REC114: variants seen among roughly 807,000 people sequenced by gnomAD.
REC114 encodes meiotic recombination protein REC114.
A neutral mutation model predicts 31.3 loss-of-function variants in REC114; 27 were observed. The ratio of observed to expected loss-of-function variants is 0.86; its 90% CI spans 0.64 to 1.19. REC114 has a LOEUF of 1.19. REC114 is among the 50% of genes most tolerant of loss of function. The pLI is 0.00. For synonymous variants in REC114, 134 were observed against 127.7 expected, an observed-to-expected ratio of 1.05 and a Z score of -0.33; for missense variants, 344 against 326.9, an observed-to-expected ratio of 1.05 and a Z score of -0.40.
At chr15:73,519,998 G>T (rs1893913085) in intron 2 of REC114, among the ~76,000 whole-genome samples, 1 of 152,118 alleles carries the variant, frequency 6.6e-6, no homozygotes, top group Non-Finnish European at 1.5e-5. Context: ...TTATTTGATG[G>T]GTATAGAATA....
intron 2 of REC114, among the ~76,000 whole-genome samples, chr15:73,482,847 T>C (rs1275602056): frequency 6.6e-6 from 1 of 152,214 alleles, no homozygotes; most frequent in Non-Finnish European, 1.5e-5. Context: ...AATTTGGATA[T>C]GTACTCATAA....
chr15:73,523,301 A>G (rs937011223), intron 2 of REC114, among the ~76,000 whole-genome samples: 1 of 151,996 alleles, frequency 6.6e-6, no homozygotes. Flanking sequence ...CACATGATGG[A>G]AGAAGATTTA....
At chr15:73,521,660 T>C (rs544663562) in intron 2 of REC114, among the ~76,000 whole-genome samples, 4 of 152,272 alleles carry the variant, frequency 2.6e-5, no homozygotes, top group East Asian at 1.9e-4. Context: ...CTGTAGAGCC[T>C]ACAAACATTA....
chr15:73,496,908 G>A (rs1310042690), intron 2 of REC114, among the ~76,000 whole-genome samples: 1 of 151,136 alleles, frequency 6.6e-6, no homozygotes, highest in African/African-American at 2.4e-5. Flanking sequence ...CCTTCCATCT[G>A]GGATAGCTCC....
At chr15:73,538,034 T>C (rs1894182322) in intron 2 of REC114, among the ~76,000 whole-genome samples, 1 of 152,226 alleles carries the variant, frequency 6.6e-6, no homozygotes, top group African/African-American at 2.4e-5. Context: ...CCAAGATCAG[T>C]AGGAGTCATA....
intron 2 of REC114, among the ~76,000 whole-genome samples, chr15:73,481,281 C>T (rs969632493): frequency 1.3e-5 from 2 of 151,980 alleles, no homozygotes; most frequent in Non-Finnish European, 2.9e-5. Flanking sequence ...ATTGCCACTC[C>T]CTGTGAGATC....
At chr15:73,501,646 T>C (rs1305288276) in intron 2 of REC114, among the ~76,000 whole-genome samples, 2 of 152,196 alleles carry the variant, frequency 1.3e-5, no homozygotes, top group African/African-American at 2.4e-5. Flanking sequence ...GGTTTCGTCA[T>C]GTTGGCCAGG....
In REC114 at chr15:73,559,835, G is replaced by T; in HGVS notation, c.720G>T (p.Leu240Phe). The change falls in exon 6 of 6, where the codon TTG (leucine) becomes TTT (phenylalanine). Residue 240 changes from leucine (L) to phenylalanine (F), a missense_variant. Coordinates refer to ENST00000331090, the MANE Select transcript of REC114 (RefSeq NM_001042367.2). ...AAGAGTTAGGCCCCTTCCTACGTTTGTGCCTTATGGATCAGAATTTCCCAG... is the reference window on the plus strand; with the variant it reads ...AAGAGTTAGGCCCCTTCCTACGTTTTTGCCTTATGGATCAGAATTTCCCAG... ...GAEELGPFLR[L>F]CLMDQNFPAF... 6.2e-7 allele frequency: 1 copy of T among 1,612,738 alleles called. No individual in the cohort carries two copies. Among genetic ancestry groups the T allele is most frequent in the Non-Finnish European group, 8.5e-7 (1 of 1,179,432 alleles).
intron 5 of REC114, 106 bp downstream of exon 5, chr15:73,556,497 G>A: frequency 1.1e-6 from 1 of 924,070 alleles, no homozygotes; most frequent in Admixed American, 2.7e-5. Flanking sequence ...AACTTCTAAA[G>A]CATTACTCTA....
In REC114 at chr15:73,443,168, C is replaced by A; in HGVS notation, c.-18C>A. The A allele has an allele frequency of 1.4e-5, 21 of 1,543,596 alleles. No individual in the cohort carries two copies. Among genetic ancestry groups the A allele is most frequent in the Non-Finnish European group, 1.8e-5 (21 of 1,146,968 alleles). The stretch of plus-strand genomic sequence containing the variant: ...GATTGGCAGGTCCCCGCCGGCAGTG[C>A]GTGTGGTGAGGCAGGACATGGCGGA... On this transcript the variant is annotated 5_prime_UTR_variant, in exon 1 of 6. Coordinates refer to ENST00000331090, the MANE Select transcript of REC114 (RefSeq NM_001042367.2).
chr15:73,460,598 G>A (rs760882511), intron 1 of REC114, among the ~76,000 whole-genome samples: 10 of 152,162 alleles, frequency 6.6e-5, no homozygotes, highest in Non-Finnish European at 1.2e-4. Context: ...AGAAGAGCAT[G>A]CCTATGAAGA....
chr15:73,480,568 G>C (rs544959224), intron 2 of REC114, among the ~76,000 whole-genome samples: 1 of 152,042 alleles, frequency 6.6e-6, no homozygotes, highest in Non-Finnish European at 1.5e-5. Flanking sequence ...AAAGCAACAC[G>C]TAGAAGAGCA....
chr15:73,516,261 T>C (rs10163172), intron 2 of REC114, among the ~76,000 whole-genome samples: 28,587 of 151,966 alleles, frequency 0.19, 4,566 homozygotes, highest in African/African-American at 0.44. Context: ...GCTGGAATTA[T>C]AAGTGTGAGC....
chr15:73,539,922 G>T (rs1433659662), intron 2 of REC114, among the ~76,000 whole-genome samples: 3 of 152,070 alleles, frequency 2.0e-5, no homozygotes, highest in Non-Finnish European at 4.4e-5. Context: ...TCCAACTGTT[G>T]TCCCTCATTT....
chr15:73,484,998 A>T (rs1211835748), intron 2 of REC114, among the ~76,000 whole-genome samples: 4 of 148,902 alleles, frequency 2.7e-5, no homozygotes, highest in Admixed American at 6.6e-5. Context: ...ATTAGTTTTT[A>T]AAAATGTCCA....
intron 1 of REC114, among the ~76,000 whole-genome samples, chr15:73,458,247 C>T (rs1403804538): frequency 1.2e-4 from 19 of 152,184 alleles, no homozygotes; most frequent in Non-Finnish European, 1.5e-5. Context: ...ATTAAGACTT[C>T]CTGGGTCTCA....
At chr15:73,462,013 C>T (rs1019845675) in intron 1 of REC114, among the ~76,000 whole-genome samples, 1 of 147,558 alleles carries the variant, frequency 6.8e-6, no homozygotes, top group African/African-American at 2.5e-5. Flanking sequence ...CTCACTGCAA[C>T]CTCTGCCGCC....
chr15:73,488,811 A>C (rs996062786), intron 2 of REC114, among the ~76,000 whole-genome samples: 1 of 152,160 alleles, frequency 6.6e-6, no homozygotes, highest in South Asian at 2.1e-4. Context: ...TGCTGTGTTC[A>C]TAGCAATATG....
At chr15:73,444,049 C>G (rs1277371410) in intron 1 of REC114, among the ~76,000 whole-genome samples, 1 of 152,204 alleles carries the variant, frequency 6.6e-6, no homozygotes, top group Non-Finnish European at 1.5e-5. Flanking sequence ...GAACAACGTA[C>G]CCACCTTGAT....
Sources: gnomAD v4.1 joint callset for allele counts (sites outside exome capture counted in the v4.1 genomes callset) on GRCh38, gnomAD v4.1.1 for gene constraint, MANE v1.5 for transcripts, NCBI Gene and HGNC (gene_info 2026-07-23, HGNC 2026-07-21) for gene names.